ELOVL6: variants seen among roughly 807,000 people sequenced by gnomAD.
The protein encoded by ELOVL6 is ELOVL fatty acid elongase 6, also known as very long chain fatty acid elongase 6.
A neutral mutation model predicts 31.7 loss-of-function variants in ELOVL6; 8 were observed. The ratio of observed to expected loss-of-function variants is 0.25; its 90% CI spans 0.15 to 0.45. ELOVL6 has a LOEUF of 0.45. ELOVL6 is among the 20% of genes least tolerant of loss of function. The probability of loss-of-function intolerance (pLI) is 1.00; values close to 1 mark genes in which losing one functional copy is unlikely to be tolerated. For missense variants in ELOVL6, 126 were observed against 326.4 expected (o/e 0.39, Z 4.73); for synonymous variants, 101 against 117.7 (o/e 0.86, Z 0.92).
chr4:110,186,876 T>C (rs1320854448), intron 1 of ELOVL6, among the ~76,000 whole-genome samples: 1 of 142,644 alleles, frequency 7.0e-6, no homozygotes, highest in African/African-American at 2.6e-5. Flanking sequence ...TATATACATA[T>C]ATACACATAT....
intron 3 of ELOVL6, among the ~76,000 whole-genome samples, chr4:110,056,148 T>C (rs555911530): frequency 1.3e-5 from 2 of 151,320 alleles, no homozygotes; most frequent in Admixed American, 1.3e-4. Flanking sequence ...GTTTCAGTAC[T>C]ATACATGGAA....
At chr4:110,054,216 A>G (rs966502460) in intron 3 of ELOVL6, among the ~76,000 whole-genome samples, 1 of 152,238 alleles carries the variant, frequency 6.6e-6, no homozygotes, top group Non-Finnish European at 1.5e-5. Context: ...CCAGATTTTT[A>G]TGGTGTCTAT....
intron 2 of ELOVL6, among the ~76,000 whole-genome samples, chr4:110,063,268 A>T (rs1755197626): frequency 1.3e-5 from 2 of 152,168 alleles, no homozygotes; most frequent in Non-Finnish European, 1.5e-5. Context: ...AGTCTCTAGG[A>T]GCCGAGGATG....
intron 1 of ELOVL6, among the ~76,000 whole-genome samples, chr4:110,166,468 TG>T (rs1032959838): frequency 6.6e-6 from 1 of 151,930 alleles, no homozygotes; most frequent in Non-Finnish European, 1.5e-5. Context: ...AAAAATTACC[TG>T]GGTGTGGTGG....
At position 110,051,317 on chromosome 4, in the gene ELOVL6, G is replaced by A. The variant is rs373846180; in HGVS notation, c.*21C>T. The A allele has an allele frequency of 1.7e-5, 27 of 1,607,300 alleles. No individual in the cohort carries two copies. The highest frequency in any genetic ancestry group is 2.2e-5 in the Non-Finnish European group (26 of 1,175,654). Reference sequence around the variant, plus strand: ...TTTTTCTTGATGACCCTGAGCTATGGCTTCCTCCTCAGTTCCAACACTATT... The same window carrying A: ...TTTTTCTTGATGACCCTGAGCTATGACTTCCTCCTCAGTTCCAACACTATT... On this transcript the variant is annotated 3_prime_UTR_variant, in exon 4 of 4. Transcript: ENST00000302274. This position sits in a 1 kb window ranked among gnomAD's most constrained non-coding sequence, Gnocchi z 4.8.
chr4:110,102,660 CAAA>C (rs965870775), intron 2 of ELOVL6, among the ~76,000 whole-genome samples: 1 of 130,314 alleles, frequency 7.7e-6, no homozygotes. Flanking sequence ...ATCTTGTCTC[CAAA>C]AAAAAAAAAG....
At chr4:110,056,827 G>A (rs976512135) in intron 3 of ELOVL6, among the ~76,000 whole-genome samples, 4 of 152,128 alleles carry the variant, frequency 2.6e-5, no homozygotes, top group African/African-American at 9.7e-5. Context: ...TGGCTCCTTT[G>A]GGGCTCAAGA....
chr4:110,146,012 T>C (rs1311290038), intron 1 of ELOVL6, among the ~76,000 whole-genome samples: 2 of 152,154 alleles, frequency 1.3e-5, no homozygotes, highest in African/African-American at 4.8e-5. Context: ...CTAAAGTTCA[T>C]ATGGAACCAA....
Position 110,198,366 on chromosome 4 carries a change from CTCTA to C in ELOVL6, c.-35_-32del. ...CTGATCTTCGGAGTCGCTACGTGTT[CTCTA>C]TACAAAATAAAATAATCTGTAAAGC... On this transcript the variant is annotated 5_prime_UTR_variant, in exon 1 of 4. Coordinates refer to ENST00000302274, the MANE Select transcript of ELOVL6 (RefSeq NM_024090.3). The C allele has an allele frequency of 7.6e-7, 1 of 1,309,554 alleles. No individual in the cohort carries two copies. The highest frequency in any genetic ancestry group is 1.1e-6 in the Non-Finnish European group (1 of 910,662). 81.1% of individuals were successfully genotyped at this position (1,309,554 alleles called of 1,614,324 possible).
chr4:110,087,945 T>C (rs1433444888), intron 2 of ELOVL6, among the ~76,000 whole-genome samples: 1 of 152,246 alleles, frequency 6.6e-6, no homozygotes, highest in Non-Finnish European at 1.5e-5. Context: ...CTCTGTCTTT[T>C]CTTTTTTCAG....
At chr4:110,107,134 C>T (rs1756911506) in intron 1 of ELOVL6, among the ~76,000 whole-genome samples, 2 of 152,178 alleles carry the variant, frequency 1.3e-5, no homozygotes, top group African/African-American at 2.4e-5. Context: ...ACATGTAATG[C>T]TGACTCATAA....
At position 110,096,004 on chromosome 4, in the gene ELOVL6, G is replaced by A. The variant is rs1177912131; in HGVS notation, c.221+9493C>T. ...AAATCTGAGTGATGATGTGTCAAAC[G>A]TTTGGAAATATCACAGACAGGCAGA... is the stretch of plus-strand genomic sequence containing the variant. On this transcript the variant is annotated intron_variant, in intron 2 of 3. Coordinates refer to ENST00000302274, the MANE Select transcript of ELOVL6 (RefSeq NM_024090.3). 2.7e-5 allele frequency among the ~76,000 whole-genome samples: 4 copies of A among 148,616 alleles called. No individual in the cohort carries two copies. In the South Asian group the frequency reaches 6.5e-4, roughly 24 times the overall value.
At chr4:110,083,719 G>A (rs1047780506) in intron 2 of ELOVL6, among the ~76,000 whole-genome samples, 15 of 150,874 alleles carry the variant, frequency 9.9e-5, no homozygotes, top group Non-Finnish European at 1.8e-4. Flanking sequence ...TATTATAAAA[G>A]TAGTCAGGCA....
In ELOVL6 at chr4:110,167,653, TTATGTATGTATGTATGTATGTATG is replaced by T. The variant is rs33925081; in HGVS notation, c.89+30570_89+30593del. On this transcript the variant is annotated intron_variant, in intron 1 of 3. Coordinates refer to ENST00000302274, the MANE Select transcript of ELOVL6 (RefSeq NM_024090.3). ...TACAGGGTGCCTGCCACCACCTCAG[TTATGTATGTATGTATGTATGTATG>T]TATGTATGTATGTATGTATGTATGT... Among the ~76,000 whole-genome samples, 491 of 139,622 alleles carry T rather than the reference TTATGTATGTATGTATGTATGTATG, an allele frequency of 3.5e-3. 4 individuals carry two copies. Among genetic ancestry groups the T allele is most frequent in the African/African-American group, 0.012 (464 of 37,948 alleles). 91.6% of individuals were successfully genotyped at this position (139,622 alleles called of 152,430 possible). A position where few individuals can be genotyped will look rare whatever the true frequency, so the allele number is the denominator to read the frequency against.
intron 1 of ELOVL6, among the ~76,000 whole-genome samples, chr4:110,164,742 AAAAAAAAAAAAAAG>A (rs1348824524): frequency 1.6e-5 from 2 of 126,654 alleles, no homozygotes; most frequent in African/African-American, 5.3e-5. Flanking sequence ...CTGTCTCAAA[AAAAAAAAAAAAAAG>A]AAAAAAAAAA....
At chr4:110,122,703 TGGTTTCACCTCTCCCTACTCCTCTG>T (rs1757388526) in intron 1 of ELOVL6, among the ~76,000 whole-genome samples, 1 of 152,224 alleles carries the variant, frequency 6.6e-6, no homozygotes, top group African/African-American at 2.4e-5. Context: ...ATGGTTCAAA[TGGTTTCACCTCTCCCTACTCCTCTG>T]GAATCATGTC....
intron 1 of ELOVL6, among the ~76,000 whole-genome samples, chr4:110,186,080 C>T (rs955106530): frequency 1.3e-5 from 2 of 152,034 alleles, no homozygotes; most frequent in Non-Finnish European, 2.9e-5. Context: ...GTCTCAGCTA[C>T]TCAGGAGGCT....
intron 2 of ELOVL6, among the ~76,000 whole-genome samples, chr4:110,083,732 T>TA (rs1205263994): frequency 1.3e-5 from 2 of 150,744 alleles, no homozygotes; most frequent in Non-Finnish European, 2.9e-5. Flanking sequence ...GTCAGGCACT[T>TA]AAAAATATAT....
intron 1 of ELOVL6, among the ~76,000 whole-genome samples, chr4:110,115,019 G>A (rs1254614524): frequency 6.6e-6 from 1 of 151,994 alleles, no homozygotes; most frequent in Non-Finnish European, 1.5e-5. Flanking sequence ...ATTTATATAG[G>A]GTTTTCATTT....
Sources: gnomAD v4.1 joint callset for allele counts (sites outside exome capture counted in the v4.1 genomes callset) on GRCh38, gnomAD v4.1.1 for gene constraint, Gnocchi (gnomAD v3.1) non-coding constraint, MANE v1.5 for transcripts, NCBI Gene and HGNC (gene_info 2026-07-23, HGNC 2026-07-21) for gene names.